Variants in SCAF8 observed in about 807,000 individuals in gnomAD.
SCAF8 encodes the protein SR-related CTD associated factor 8, also known as SR-related and CTD-associated factor 8.
SCAF8 carries 23 observed loss-of-function variants against 140.5 expected under a neutral mutation model. The ratio of observed to expected loss-of-function variants is 0.16; its 90% confidence interval spans 0.12 to 0.23. The LOEUF is 0.23. Among genes scored for constraint, SCAF8 ranks in the 10% least tolerant of loss-of-function variants. The probability of loss-of-function intolerance (pLI) is 1.00; values close to 1 mark genes in which losing one functional copy is unlikely to be tolerated. For missense variants in SCAF8, 1,397 were observed against 1,555.7 expected (o/e 0.90, Z 1.72); for synonymous variants, 575 against 528.9 (o/e 1.09, Z -1.20).
chr6:154,794,872 C>A, intron 5 of SCAF8, 137 bp from the exon 6 acceptor site: 6 of 544,652 alleles, frequency 1.1e-5, no homozygotes, highest in Middle Eastern at 6.9e-4. Context: ...GTGATTTTTT[C>A]AAAGTGGACA....
At chr6:154,796,461 T>C (rs1777613129) in intron 6 of SCAF8, among the ~76,000 whole-genome samples, 1 of 152,028 alleles carries the variant, frequency 6.6e-6, no homozygotes, top group African/African-American at 2.4e-5. Flanking sequence ...TATTCTGTAA[T>C]TTTTGTTTTG....
chr6:154,799,215 C>A (rs986969472), intron 6 of SCAF8, among the ~76,000 whole-genome samples: 1 of 150,896 alleles, frequency 6.6e-6, no homozygotes, highest in South Asian at 2.1e-4. Context: ...TGACCTCAGG[C>A]GATCCCCCCA....
At position 154,762,945 on chromosome 6, in the gene SCAF8, T is replaced by C. The variant is rs549540446; in HGVS notation, c.31-11044T>C. 3.3e-5 allele frequency among the ~76,000 whole-genome samples: 5 copies of C among 152,310 alleles called. No individual in the cohort carries two copies. The South Asian group carries it at 6.2e-4, about 19-fold the overall frequency. ...ATTGATTTTTTGCAGCAGCAGGTGA[T>C]GCACTAGTTCACTTGTGTCATTCCT... On this transcript the variant is annotated intron_variant, in intron 1 of 19. Coordinates refer to ENST00000367178, the MANE Select transcript of SCAF8 (RefSeq NM_014892.5).
At chr6:154,812,917 G>A (rs1224268474) in intron 12 of SCAF8, among the ~76,000 whole-genome samples, 2 of 152,076 alleles carry the variant, frequency 1.3e-5, no homozygotes, top group Admixed American at 6.6e-5. Context: ...AAAAGAGAAT[G>A]CCAGGTGCAG....
rs768172224 is a variant in SCAF8 at position 154,827,239 on chromosome 6, A to G, written c.2139A>G (p.Thr713=). The change falls in exon 18 of 20, where the codon ACA becomes ACG. Residue 713 remains threonine (T), a splice_region_variant and synonymous_variant. Transcript: ENST00000367178. ...CTACGATTCCACCAGTAGTACCAAC[A>G]TGTAAGTTTTCTACTTTTAGAGTTT... is the stretch of plus-strand genomic sequence containing the variant. ...PPPTIPPVVP[T]SLVQPSLSMT... is the part of the protein sequence containing the mutation. The G allele has an allele frequency of 1.9e-6, 3 of 1,595,222 alleles. No individual in the cohort carries two copies. The highest frequency in any genetic ancestry group is 1.4e-5 in the African/African-American group (1 of 73,908).
At chr6:154,774,204 CAAAAA>C in intron 2 of SCAF8, 132 bp downstream of exon 2, 2 of 645,764 alleles carry the variant, frequency 3.1e-6, no homozygotes, top group South Asian at 4.2e-5. Flanking sequence ...TGGAAAAACA[CAAAAA>C]AGAAAATCTG....
intron 1 of SCAF8, among the ~76,000 whole-genome samples, chr6:154,738,195 CAAAA>C (rs555772506): frequency 1.7e-5 from 2 of 119,522 alleles, no homozygotes; most frequent in African/African-American, 6.2e-5. Context: ...GACTCTGCTT[CAAAA>C]AAAAAAAAAA....
intron 1 of SCAF8, among the ~76,000 whole-genome samples, chr6:154,734,823 G>A (rs929392605): frequency 6.6e-6 from 1 of 152,122 alleles, no homozygotes; most frequent in African/African-American, 2.4e-5. Flanking sequence ...CTACCCGTAC[G>A]CCTTGGAAAG....
At chr6:154,767,180 TG>T (rs2114834380) in intron 1 of SCAF8, among the ~76,000 whole-genome samples, 1 of 152,286 alleles carries the variant, frequency 6.6e-6, no homozygotes, top group African/African-American at 2.4e-5. Context: ...CTTCCTTCTG[TG>T]CAACCAAAAG....
chr6:154,753,957 C>A (rs1243594622), intron 1 of SCAF8, among the ~76,000 whole-genome samples: 1 of 152,192 alleles, frequency 6.6e-6, no homozygotes, highest in Non-Finnish European at 1.5e-5. Context: ...CCCTCCTCGG[C>A]CTCCCAAAGT....
intron 3 of SCAF8, 110 bp from the exon 4 acceptor site, chr6:154,787,751 C>A: frequency 1.2e-6 from 1 of 818,086 alleles, no homozygotes; most frequent in Non-Finnish European, 1.9e-6. Flanking sequence ...TATTCATTAC[C>A]ATAGCATAGG....
chr6:154,791,668 T>A (rs1388865441), intron 4 of SCAF8, among the ~76,000 whole-genome samples: 1 of 152,178 alleles, frequency 6.6e-6, no homozygotes, highest in African/African-American at 2.4e-5. Context: ...TTGACATAGT[T>A]GGCCTGAGAC....
At chr6:154,782,639 A>G (rs1777118692) in intron 3 of SCAF8, among the ~76,000 whole-genome samples, 1 of 152,156 alleles carries the variant, frequency 6.6e-6, no homozygotes, top group South Asian at 2.1e-4. Context: ...TATTAACATA[A>G]GTATTAACTT....
intron 16 of SCAF8, among the ~76,000 whole-genome samples, chr6:154,823,318 C>G (rs1198915728): frequency 1.3e-5 from 2 of 152,128 alleles, no homozygotes; most frequent in Non-Finnish European, 2.9e-5. Context: ...AAGGATTGCA[C>G]TGGTTACTAT....
chr6:154,736,890 G>A (rs1354383921), intron 1 of SCAF8, among the ~76,000 whole-genome samples: 1 of 152,084 alleles, frequency 6.6e-6, no homozygotes, highest in African/African-American at 2.4e-5. Context: ...GTTTCAAAGT[G>A]GAGTTAGCTT....
In SCAF8 at chr6:154,733,458, G is replaced by A; in HGVS notation, c.-443G>A. 2.2e-6 allele frequency: 3 copies of A among 1,380,008 alleles called. No individual in the cohort carries two copies. Among genetic ancestry groups the A allele is most frequent in the South Asian group, 3.2e-5 (2 of 62,710 alleles). 85.5% of individuals were successfully genotyped at this position (1,380,008 alleles called of 1,614,324 possible). A position where few individuals can be genotyped will look rare whatever the true frequency, so the allele number is the denominator to read the frequency against. On this transcript the variant is annotated 5_prime_UTR_variant, in exon 1 of 20. Transcript: ENST00000367178. ...CGCTGCTGCCAGCGCTTCCTCCTCT[G>A]TCTTCGCCGAGCGGGGCTGGTTCCT...
Position 154,795,011 on chromosome 6 carries a change from A to G in SCAF8, c.478A>G (p.Thr160Ala). 1 of 1,589,400 alleles carries G rather than the reference A, an allele frequency of 6.3e-7. No homozygotes were observed. The highest frequency in any genetic ancestry group is 8.5e-7 in the Non-Finnish European group (1 of 1,171,970). Residue 160 changes from threonine (T) to alanine (A), a missense_variant and splice_region_variant, in exon 6 of 20, where the codon ACT becomes GCT. Around this residue, in one of 5 missense-constraint regions of SCAF8, gnomAD observed 339 missense variants for 407.5 expected, o/e 0.83. Transcript: ENST00000367178. ...TTTAMSNTPGTPVTPVTPANV... is the reference protein window; with the variant it reads ...TTTAMSNTPGAPVTPVTPANV... ...GGGTGTGATGTTCTTTTTAAAAGGA[A>G]CTCCTGTGACACCTGTTACTCCGGC...
At position 154,799,449 on chromosome 6, in the gene SCAF8, T is replaced by G. The variant is rs917627373; in HGVS notation, c.607-2522T>G. 2.0e-4 allele frequency among the ~76,000 whole-genome samples: 30 copies of G among 151,360 alleles called. 1 individual carries two copies. The highest frequency in any genetic ancestry group is 8.5e-4 in the Admixed American group (13 of 15,206). On this transcript the variant is annotated intron_variant, in intron 6 of 19. Coordinates refer to ENST00000367178, the MANE Select transcript of SCAF8 (RefSeq NM_014892.5). ...GTTTCAGCAGTCACTTCATTGGTCC[T>G]TGTATGTTCTCAGTTTGACCTATTG... is the stretch of plus-strand genomic sequence containing the variant.
In SCAF8 at chr6:154,788,009, C is replaced by G. The variant is rs768159041; in HGVS notation, c.308C>G (p.Pro103Arg). 1 of 1,601,178 alleles carries G rather than the reference C, an allele frequency of 6.2e-7. No homozygotes were observed. The highest frequency in any genetic ancestry group is 1.7e-4 in the Middle Eastern group (1 of 5,976). The change falls in exon 4 of 20, where the codon CCT (proline) becomes CGT (arginine). Residue 103 changes from proline (P) to arginine (R), a missense_variant. By Grantham distance (103) the Pro-to-Arg change is moderately radical. Coordinates refer to ENST00000367178, the MANE Select transcript of SCAF8 (RefSeq NM_014892.5). ...ISTFQNLYRCPGDDKSKIVRV... is the reference protein window; with the variant it reads ...ISTFQNLYRCRGDDKSKIVRV... Reference sequence around the variant, plus strand: ...ACTTTCCAGAATTTATATCGTTGCCCTGGGGATGACAAGGTATGCTACTGG... The same window carrying G: ...ACTTTCCAGAATTTATATCGTTGCCGTGGGGATGACAAGGTATGCTACTGG...
Sources: gnomAD v4.1 joint callset for allele counts (sites outside exome capture counted in the v4.1 genomes callset) on GRCh38, gnomAD v4.1.1 for gene constraint, gnomAD v4.1.1 regional missense constraint, MANE v1.5 for transcripts, NCBI Gene and HGNC (gene_info 2026-07-23, HGNC 2026-07-21) for gene names.